SLC36A1: variants seen among roughly 807,000 people sequenced by gnomAD.
SLC36A1 encodes the protein proton-coupled amino acid transporter 1.
In SLC36A1, 30 loss-of-function variants were observed where a neutral mutation model predicts 47.5. That is an observed-to-expected ratio of 0.63 (90% CI 0.47 to 0.86). SLC36A1 has a LOEUF of 0.86. Among genes scored for constraint, SLC36A1 ranks in the 40% least tolerant of loss-of-function variants. The pLI, the probability that SLC36A1 is intolerant of heterozygous loss-of-function variation, is 0.00. For synonymous variants in SLC36A1, 255 were observed against 249.7 expected (o/e 1.02, Z -0.20); for missense variants, 517 against 606.0 (o/e 0.85, Z 1.54).
chr5:151,483,965 AT>A, intron 10 of SLC36A1, among the ~76,000 whole-genome samples: 1 of 152,288 alleles, frequency 6.6e-6, no homozygotes, highest in Admixed American at 6.5e-5. Context: ...TATTAAGGAT[AT>A]TTTTATTAGG....
At chr5:151,417,381 G>T in the SLC36A1 span, among the ~76,000 whole-genome samples, 11 of 152,200 alleles carry the variant, frequency 7.2e-5, no homozygotes, top group Admixed American at 5.9e-4. Context: ...TGAGAAACTT[G>T]TTGGGAATTG....
chr5:151,520,198 C>T, the SLC36A1 span, among the ~76,000 whole-genome samples: 1 of 152,236 alleles, frequency 6.6e-6, no homozygotes, highest in South Asian at 2.1e-4. Flanking sequence ...GCAGGTCAGG[C>T]CAGGCCAGGC....
At chr5:151,524,994 A>G in the SLC36A1 span, among the ~76,000 whole-genome samples, 1 of 152,126 alleles carries the variant, frequency 6.6e-6, no homozygotes, top group Non-Finnish European at 1.5e-5. Flanking sequence ...GTTTATCTCC[A>G]TGATTACAAT....
chr5:151,468,251 C>CAAA lies in SLC36A1; in HGVS notation c.723+340_723+342dup, dbSNP rs1214176868. Among the ~76,000 whole-genome samples the CAAA allele has an allele frequency of 1.7e-3, 52 of 31,276 alleles. 3 individuals are homozygous for CAAA. Among genetic ancestry groups the CAAA allele is most frequent in the East Asian group, 8.6e-3 (8 of 926 alleles). The allele number at this position is 31,276 out of a possible 152,430, so 20.5% of individuals were successfully genotyped here. ...TGGGCAACAGAGCAAGACTCTGTCT[C>CAAA]AAAAAAAAAAAAAAAATATATATAT... is the stretch of plus-strand genomic sequence containing the variant. On this transcript the variant is annotated intron_variant, in intron 7 of 10. Coordinates refer to ENST00000243389, the MANE Select transcript of SLC36A1 (RefSeq NM_078483.4).
At chr5:151,426,104 A>C in the SLC36A1 span, among the ~76,000 whole-genome samples, 1 of 152,180 alleles carries the variant, frequency 6.6e-6, no homozygotes, top group Non-Finnish European at 1.5e-5. Context: ...TGCACAATAG[A>C]TGTGTTCATT....
At chr5:151,498,994 A>G in the SLC36A1 span, among the ~76,000 whole-genome samples, 5,807 of 152,216 alleles carry the variant, frequency 0.038, 350 homozygotes, top group African/African-American at 0.13. Context: ...ATCAGATGAA[A>G]TCTACTCCCA....
intron 5 of SLC36A1, 116 bp downstream of exon 5, chr5:151,465,285 G>T (rs140928657): frequency 3.5e-5 from 29 of 822,832 alleles, no homozygotes; most frequent in African/African-American, 2.9e-4. Flanking sequence ...TGGGTCAGTT[G>T]CCTTGGGCTG....
chr5:151,494,489 G>A (rs1432353868), downstream of SLC36A1, among the ~76,000 whole-genome samples: 2 of 152,092 alleles, frequency 1.3e-5, no homozygotes, highest in African/African-American at 2.4e-5. Context: ...CTTGGCAACT[G>A]CTAATCTGTT....
chr5:151,359,943 G>A, the SLC36A1 span, among the ~76,000 whole-genome samples: 1 of 152,054 alleles, frequency 6.6e-6, no homozygotes, highest in African/African-American at 2.4e-5. Context: ...ATCTCTGGAC[G>A]GTTTTTAGTT....
the SLC36A1 span, among the ~76,000 whole-genome samples, chr5:151,546,857 T>A: frequency 6.6e-6 from 1 of 152,204 alleles, no homozygotes; most frequent in East Asian, 1.9e-4. Context: ...GGATTACAGG[T>A]GTGAGCCACC....
chr5:151,469,257 G>A (rs752582880), intron 7 of SLC36A1: 1 of 701,004 alleles, frequency 1.4e-6, no homozygotes, highest in South Asian at 1.5e-5. Flanking sequence ...TCCTGTGAAT[G>A]GATTTACAGC....
the SLC36A1 span, chr5:151,412,563 C>T: frequency 6.9e-6 from 1 of 144,056 alleles, no homozygotes; most frequent in Non-Finnish European, 1.5e-5. Flanking sequence ...GAGGACGAGG[C>T]TTCCCAGCGT....
the SLC36A1 span, chr5:151,543,514 G>T: frequency 6.2e-7 from 1 of 1,614,182 alleles, no homozygotes; most frequent in East Asian, 2.2e-5. Flanking sequence ...CTGCAGAGTG[G>T]CAATCTGGCC....
intron 3 of SLC36A1, 65 bp from the exon 4 acceptor site, chr5:151,464,449 A>G: frequency 2.1e-6 from 3 of 1,400,048 alleles, no homozygotes; most frequent in Non-Finnish European, 3.0e-6. Context: ...CTGAGTATCC[A>G]TTGGGTTCAC....
chr5:151,480,263 C>T (rs1758631136), intron 10 of SLC36A1: 2 of 440,274 alleles, frequency 4.5e-6, no homozygotes, highest in Admixed American at 4.1e-5. Flanking sequence ...GCATAGATTC[C>T]TCTTTTTGGC....
At chr5:151,554,342 G>C in the SLC36A1 span, 3 of 1,599,710 alleles carry the variant, frequency 1.9e-6, no homozygotes, top group Non-Finnish European at 2.6e-6. Context: ...TCCCTCCGTG[G>C]CTTCCTTCTG....
intron 2 of SLC36A1, among the ~76,000 whole-genome samples, chr5:151,461,919 A>G (rs186176557): frequency 6.6e-6 from 1 of 151,516 alleles, no homozygotes; most frequent in East Asian, 1.9e-4. Context: ...CTTAAGGCAA[A>G]GACCTCGAGT....
At chr5:151,396,631 AAATAT>A in the SLC36A1 span, among the ~76,000 whole-genome samples, 2 of 42,802 alleles carry the variant, frequency 4.7e-5, no homozygotes, top group African/African-American at 7.4e-4. Flanking sequence ...AATTTTCTTT[AAATAT>A]GAATGGGATT....
At position 151,473,859 on chromosome 5, in the gene SLC36A1, G is replaced by A; in HGVS notation, c.822+88G>A. On this transcript the variant is annotated intron_variant, in intron 8 of 10. Coordinates refer to ENST00000243389, the MANE Select transcript of SLC36A1 (RefSeq NM_078483.4). ...TTTCAAGGAATGCTGAGGAAACATTGTTAGAAAGTATCTTCTGAGGCCAGG... is the reference window on the plus strand; with the variant it reads ...TTTCAAGGAATGCTGAGGAAACATTATTAGAAAGTATCTTCTGAGGCCAGG... 5.7e-6 allele frequency: 6 copies of A among 1,058,964 alleles called. No individual in the cohort carries two copies. The South Asian group carries it at 6.5e-5, about 11-fold the overall frequency. 65.6% of individuals were successfully genotyped at this position (1,058,964 alleles called of 1,614,324 possible). A position where few individuals can be genotyped will look rare whatever the true frequency, so the allele number is the denominator to read the frequency against.
Sources: gnomAD v4.1 joint callset for allele counts (sites outside exome capture counted in the v4.1 genomes callset) on GRCh38, gnomAD v4.1.1 for gene constraint, MANE v1.5 for transcripts, NCBI Gene and HGNC (gene_info 2026-07-23, HGNC 2026-07-21) for gene names.